The following CCDC149 variants were observed in gnomAD, a reference collection of about 807,000 sequenced individuals.
CCDC149 encodes the protein coiled-coil domain-containing protein 149.
CCDC149 carries 45 observed loss-of-function variants against 59.9 expected under a neutral mutation model. The observed-to-expected ratio is 0.75, with a 90% CI of 0.59 to 0.96. The LOEUF (loss-of-function observed/expected upper bound fraction) is 0.96, where lower values mean the gene tolerates loss of function less well. CCDC149 is among the 40% of genes least tolerant of loss of function. The pLI, the probability that CCDC149 is intolerant of heterozygous loss-of-function variation, is 0.00. For missense variants in CCDC149, 584 were observed against 664.7 expected (o/e 0.88, Z 1.33); for synonymous variants, 245 against 260.6 (o/e 0.94, Z 0.58).
At chr4:24,947,259 G>A (rs949597595) in intron 1 of CCDC149, among the ~76,000 whole-genome samples, 1 of 152,084 alleles carries the variant, frequency 6.6e-6, no homozygotes, top group Non-Finnish European at 1.5e-5. Context: ...ATTTAGTCAT[G>A]GGGGTGGTTA....
At position 24,831,668 on chromosome 4, in the gene CCDC149, T is replaced by C; in HGVS notation, c.821-18A>G. ...ATCCTGAACTAGATAGGATACAAAA[T>C]GTATAACTCAGTCGTCATTCTTCTG... On this transcript the variant is annotated intron_variant, in intron 8 of 12. Coordinates refer to ENST00000635206, the MANE Select transcript of CCDC149 (RefSeq NM_001330643.2). 1 of 1,605,526 alleles carries C rather than the reference T, an allele frequency of 6.2e-7. No individual in the cohort carries two copies. The highest frequency in any genetic ancestry group is 8.5e-7 in the Non-Finnish European group (1 of 1,175,536).
intron 1 of CCDC149, among the ~76,000 whole-genome samples, chr4:24,908,090 A>G (rs375636802): frequency 5.9e-5 from 9 of 152,288 alleles, no homozygotes; most frequent in African/African-American, 1.7e-4. Flanking sequence ...TTATATCTGC[A>G]AAGACCCTAC....
intron 3 of CCDC149, among the ~76,000 whole-genome samples, chr4:24,869,707 C>T (rs983215060): frequency 2.0e-5 from 3 of 152,164 alleles, no homozygotes; most frequent in Non-Finnish European, 4.4e-5. Flanking sequence ...ATACTGAGGC[C>T]TCTACTTGCA....
chr4:24,976,249 A>G (rs1724188380), intron 1 of CCDC149, among the ~76,000 whole-genome samples: 1 of 152,180 alleles, frequency 6.6e-6, no homozygotes, highest in South Asian at 2.1e-4. Flanking sequence ...TCCAGGGTCC[A>G]TTTATCAAGG....
intron 1 of CCDC149, among the ~76,000 whole-genome samples, chr4:24,878,939 G>T (rs1219740377): frequency 1.3e-5 from 2 of 152,170 alleles, no homozygotes; most frequent in African/African-American, 4.8e-5. Flanking sequence ...GCTGTGAAGG[G>T]CAGTAAAACG....
At chr4:24,915,333 C>T (rs958043182), upstream of CCDC149, among the ~76,000 whole-genome samples, 24 of 152,348 alleles carry the variant, frequency 1.6e-4, no homozygotes, top group African/African-American at 4.8e-4. Context: ...ATCTGCCTTT[C>T]AAGCCTCCTT....
chr4:24,905,148 C>T (rs4481226), intron 1 of CCDC149, among the ~76,000 whole-genome samples: 62,821 of 151,694 alleles, frequency 0.41, 15,339 homozygotes, highest in Non-Finnish European at 0.54. Flanking sequence ...GATCCACCGC[C>T]GTGGCCTCCC....
In CCDC149 at chr4:24,958,682, G is replaced by A. The variant is rs575576450; in HGVS notation, c.-65+21387C>T. Among the ~76,000 whole-genome samples, 6 of 152,234 alleles carry A rather than the reference G, an allele frequency of 3.9e-5. No homozygotes were observed. In the South Asian group the frequency reaches 1.2e-3, roughly 32 times the overall value. ...TGCAATTCATGGATGATTCGATATT[G>A]CAGAATTAGTGAAGATCAAGGCATA... On this transcript the variant is annotated intron_variant, in intron 1 of 12. Transcript: ENST00000389609.
intron 9 of CCDC149, 43 bp downstream of exon 9, chr4:24,831,463 T>A: frequency 6.2e-7 from 1 of 1,606,876 alleles, no homozygotes; most frequent in Non-Finnish European, 8.5e-7. Flanking sequence ...CTCGTCCCAC[T>A]TCCTTCGCGC....
chr4:24,874,035 A>G (rs1719224000), intron 2 of CCDC149, among the ~76,000 whole-genome samples: 1 of 152,182 alleles, frequency 6.6e-6, no homozygotes, highest in South Asian at 2.1e-4. Flanking sequence ...ATAATATTTC[A>G]TTTGGTTTGA....
chr4:24,957,412 A>C, intron 1 of CCDC149, among the ~76,000 whole-genome samples: 1 of 152,200 alleles, frequency 6.6e-6, no homozygotes, highest in East Asian at 1.9e-4. Flanking sequence ...GAGGAGTATT[A>C]AGCCCAAACT....
chr4:24,924,178 G>A (rs1577487713), intron 1 of CCDC149, among the ~76,000 whole-genome samples: 2 of 151,572 alleles, frequency 1.3e-5, no homozygotes, highest in East Asian at 1.9e-4. Context: ...AGAAAGAGTA[G>A]CACCACTCTG....
At chr4:24,814,835 C>T (rs1340761820) in intron 12 of CCDC149, among the ~76,000 whole-genome samples, 1 of 152,188 alleles carries the variant, frequency 6.6e-6, no homozygotes, top group East Asian at 1.9e-4. Context: ...ATTCCCTCTA[C>T]TCCAGCCACA....
intron 1 of CCDC149, among the ~76,000 whole-genome samples, chr4:24,956,719 T>C (rs1723478079): frequency 6.6e-6 from 1 of 152,236 alleles, no homozygotes; most frequent in South Asian, 2.1e-4. Context: ...GGCCATGACA[T>C]TTCATCCAAA....
At chr4:24,822,832 G>A (rs1402750231) in intron 9 of CCDC149, 4 of 296,774 alleles carry the variant, frequency 1.3e-5, no homozygotes, top group Non-Finnish European at 2.5e-5. Context: ...GTTTTCCTGG[G>A]AAGCTAAATG....
chr4:24,918,463 C>T (rs1722194581), intron 1 of CCDC149, among the ~76,000 whole-genome samples: 1 of 152,178 alleles, frequency 6.6e-6, no homozygotes, highest in South Asian at 2.1e-4. Context: ...GCCCCTCTCC[C>T]AGTTGGTAGC....
intron 1 of CCDC149, among the ~76,000 whole-genome samples, chr4:24,955,804 C>T (rs976649992): frequency 1.3e-5 from 2 of 152,164 alleles, no homozygotes; most frequent in Admixed American, 6.5e-5. Context: ...GATATGGTGG[C>T]AATGGTATTA....
chr4:24,836,132 G>T (rs547721993), intron 7 of CCDC149, among the ~76,000 whole-genome samples: 7 of 152,186 alleles, frequency 4.6e-5, no homozygotes, highest in African/African-American at 1.7e-4. Flanking sequence ...ATGGACCAAG[G>T]CTATGCAATA....
intron 4 of CCDC149, among the ~76,000 whole-genome samples, chr4:24,839,000 A>ACTCTCTCT (rs36052894): frequency 7.8e-6 from 1 of 128,742 alleles, no homozygotes; most frequent in Non-Finnish European, 1.6e-5. Flanking sequence ...TATACTAAGA[A>ACTCTCTCT]CTCTCTCTCT....
Sources: allele counts gnomAD v4.1 joint callset (sites outside exome capture counted in the v4.1 genomes callset), GRCh38; gene constraint gnomAD v4.1.1; transcripts MANE v1.5; gene names NCBI Gene and HGNC (gene_info 2026-07-23, HGNC 2026-07-21).